The following TRPM2 variants were observed in gnomAD, a reference collection of about 807,000 sequenced individuals.
The protein encoded by TRPM2 is estrogen-responsive element-associated gene 1 protein.
Under a neutral mutation model 174.0 loss-of-function variants are expected in TRPM2, and 161 were observed. The observed-to-expected ratio is 0.93, with a 90% confidence interval of 0.81 to 1.05. TRPM2 has a LOEUF of 1.05. Ranked by LOEUF, TRPM2 falls within the 50% of genes least tolerant of loss-of-function variation. The pLI is 0.00. For missense variants in TRPM2, 2,057 were observed against 2,038.0 expected (o/e 1.01, Z -0.18); for synonymous variants, 954 against 861.3 (o/e 1.11, Z -1.88).
chr21:44,377,803 T>C, intron 7 of TRPM2, 30 bp downstream of exon 7: 1 of 1,612,686 alleles, frequency 6.2e-7, no homozygotes, highest in East Asian at 2.2e-5. Context: ...AGGGGGCATG[T>C]GTGGGCCCGT....
intron 16 of TRPM2, among the ~76,000 whole-genome samples, chr21:44,402,804 G>T (rs2146285019): frequency 1.3e-5 from 2 of 152,322 alleles, no homozygotes; most frequent in Non-Finnish European, 2.9e-5. Flanking sequence ...CCGGTGAATG[G>T]GAACTAGGTC....
Position 44,440,856 on chromosome 21 carries a change from G to T in TRPM2, c.4337G>T (p.Ser1446Ile). 1 of 1,613,970 alleles carries T rather than the reference G, an allele frequency of 6.2e-7. No individual in the cohort carries two copies. The highest frequency in any genetic ancestry group is 8.5e-7 in the Non-Finnish European group (1 of 1,179,994). Residue 1446 changes from serine to isoleucine, a missense_variant, in exon 31 of 32, where the codon AGC becomes ATC. By Grantham distance (142) the Ser-to-Ile change is moderately radical. Transcript: ENST00000397928. ...DNAWIETVAV[S>I]VHFQDQNDVE... ...GCCTGGATCGAGACGGTGGCCGTCA[G>T]CGTCCACTTCCAGGACCAGAATGAC...
chr21:44,363,830 A>T (rs1242824207), intron 2 of TRPM2, among the ~76,000 whole-genome samples: 2 of 152,180 alleles, frequency 1.3e-5, no homozygotes, highest in Non-Finnish European at 2.9e-5. Context: ...TGAAGGAAGG[A>T]GGTCCCCCCA....
chr21:44,359,441 T>C (rs1310907222), intron 2 of TRPM2, among the ~76,000 whole-genome samples: 1 of 151,830 alleles, frequency 6.6e-6, no homozygotes, highest in East Asian at 1.9e-4. Context: ...GGAGGAATTA[T>C]TTTTTCCATT....
At chr21:44,414,702 T>G (rs565792485) in intron 20 of TRPM2, 1 of 152,456 alleles carries the variant, frequency 6.6e-6, no homozygotes, top group Admixed American at 6.5e-5. Flanking sequence ...TAGGGAAGGT[T>G]CGGGGGTGGG....
rs753841643 is a variant in TRPM2 at position 44,418,069 on chromosome 21, G to A, written c.3289G>A (p.Val1097Met). ...LSHLQLFIKRVVLKTPAKRHK... is the reference protein window; with the variant it reads ...LSHLQLFIKRMVLKTPAKRHK... ...CCACCTGCAGCTCTTCATCAAGAGG[G>A]TGGTCCTGAAGACTCCGGCCAAGAG... Residue 1097 changes from valine (V) to methionine (M), a missense_variant, in exon 21 of 32, where the codon GTG becomes ATG. Val to Met is a conservative substitution (Grantham distance 21, BLOSUM62 1). Coordinates refer to ENST00000397928, the MANE Select transcript of TRPM2 (RefSeq NM_003307.4). The A allele has an allele frequency of 6.2e-7, 1 of 1,613,052 alleles. No homozygotes were observed. Among genetic ancestry groups the A allele is most frequent in the Admixed American group, 1.7e-5 (1 of 60,024 alleles).
chr21:44,400,408 T>TGTGGG (rs2049579227), intron 15 of TRPM2, 37 bp downstream of exon 15: 1 of 1,561,508 alleles, frequency 6.4e-7, no homozygotes. Context: ...ACTGTGGGGC[T>TGTGGG]GCGGGGCTGC....
At chr21:44,407,020 G>T (rs1008237938) in intron 19 of TRPM2, among the ~76,000 whole-genome samples, 47 of 149,762 alleles carry the variant, frequency 3.1e-4, no homozygotes, top group African/African-American at 1.1e-3. Flanking sequence ...TGGGCCGAGG[G>T]CACCTGGGGC....
chr21:44,397,829 CGGA>C lies in TRPM2; in HGVS notation c.2020_2022del (p.Glu674del). 6.2e-7 allele frequency: 1 copy of C among 1,607,664 alleles called. No individual in the cohort carries two copies. Among genetic ancestry groups the C allele is most frequent in the Non-Finnish European group, 8.5e-7 (1 of 1,177,392 alleles). On this transcript the variant is annotated inframe_deletion, in exon 13 of 32. Coordinates refer to ENST00000397928, the MANE Select transcript of TRPM2 (RefSeq NM_003307.4). ...AAGGAGGAGGAGGACACGGACAGCTCGGAGGAGATGCTGGCGCTGGCGGAGGAG... is the reference window on the plus strand; with the variant it reads ...AAGGAGGAGGAGGACACGGACAGCTCGGAGATGCTGGCGCTGGCGGAGGAG...
intron 13 of TRPM2, among the ~76,000 whole-genome samples, chr21:44,398,589 G>A (rs890244582): frequency 3.9e-5 from 6 of 152,042 alleles, no homozygotes; most frequent in African/African-American, 9.7e-5. Context: ...AAATCACAGC[G>A]GGTCAAAGTG....
At position 44,356,119 on chromosome 21, in the gene TRPM2, T is replaced by TG. The variant is rs1555885529; in HGVS notation, c.254+1384dup. ...CAGCACTTTGGGAGGCCGAGGCAGG[T>TG]GATCCACCCGCCTCGGCCTCCCAAA... On this transcript the variant is annotated intron_variant, in intron 2 of 31. Transcript: ENST00000397928. Among the ~76,000 whole-genome samples the TG allele has an allele frequency of 1.5e-4, 19 of 126,348 alleles. 1 individual carries two copies. The highest frequency in any genetic ancestry group is 4.5e-4 in the African/African-American group (16 of 35,348). The allele number at this position is 126,348 out of a possible 152,430, so 82.9% of individuals were successfully genotyped here. A position where few individuals can be genotyped will look rare whatever the true frequency, so the allele number is the denominator to read the frequency against.
intron 2 of TRPM2, among the ~76,000 whole-genome samples, chr21:44,362,147 C>A (rs1289249360): frequency 1.3e-5 from 2 of 152,114 alleles, no homozygotes; most frequent in African/African-American, 4.8e-5. Context: ...AACATTATCT[C>A]CTTTTACATC....
At chr21:44,425,879 G>T in intron 25 of TRPM2, 52 bp downstream of exon 25, 2 of 1,475,980 alleles carry the variant, frequency 1.4e-6, no homozygotes, top group Non-Finnish European at 1.8e-6. Flanking sequence ...CCCTGGGGAG[G>T]GGAGGGCGGC....
At chr21:44,430,760 C>T (rs1411002723) in intron 27 of TRPM2, among the ~76,000 whole-genome samples, 2 of 152,058 alleles carry the variant, frequency 1.3e-5, no homozygotes, top group Non-Finnish European at 1.5e-5. Context: ...CTTTATCTTC[C>T]ATAATGATTT....
In TRPM2 at chr21:44,375,523, T is replaced by A. The variant is rs975883261; in HGVS notation, c.772-310T>A. On this transcript the variant is annotated intron_variant, in intron 5 of 31. Transcript: ENST00000397928. ...CCCCGCCTCCTCCACTCCTGGGGGG[T>A]CCGGCTTTCTCCACTTGTGGCTATG... Among the ~76,000 whole-genome samples the A allele has an allele frequency of 2.6e-5, 4 of 151,764 alleles. No individual in the cohort carries two copies. In the East Asian group the frequency reaches 7.7e-4, roughly 29 times the overall value.
chr21:44,373,881 A>G (rs1000842968), intron 5 of TRPM2, among the ~76,000 whole-genome samples: 4 of 152,154 alleles, frequency 2.6e-5, no homozygotes, highest in African/African-American at 9.7e-5. Flanking sequence ...CTCTGCAGCA[A>G]AGTTGGCCTT....
intron 2 of TRPM2, 69 bp from the exon 3 acceptor site, chr21:44,364,045 C>T: frequency 6.5e-7 from 1 of 1,527,856 alleles, no homozygotes; most frequent in Non-Finnish European, 8.8e-7. Context: ...ACTGGGCCTC[C>T]TCTGATGCCT....
intron 16 of TRPM2, among the ~76,000 whole-genome samples, chr21:44,403,060 C>T (rs925299307): frequency 1.3e-5 from 2 of 152,154 alleles, no homozygotes; most frequent in Admixed American, 1.3e-4. Flanking sequence ...GTGGCCCTGG[C>T]TCTGCTGGGC....
intron 7 of TRPM2, 31 bp downstream of exon 7, chr21:44,377,804 G>A (rs1238816515): frequency 1.9e-6 from 3 of 1,612,762 alleles, no homozygotes; most frequent in Non-Finnish European, 2.5e-6. Flanking sequence ...GGGGGCATGT[G>A]TGGGCCCGTC....
Sources: gnomAD v4.1 joint callset for allele counts (sites outside exome capture counted in the v4.1 genomes callset) on GRCh38, gnomAD v4.1.1 for gene constraint, MANE v1.5 for transcripts, NCBI Gene and HGNC (gene_info 2026-07-23, HGNC 2026-07-21) for gene names.